The following ST6GALNAC6 variants were observed in gnomAD, a reference collection of about 807,000 sequenced individuals.
ST6GALNAC6 encodes alpha-N-acetylgalactosaminide alpha-2,6-sialyltransferase 6.
Under a neutral mutation model 34.3 loss-of-function variants are expected in ST6GALNAC6, and 19 were observed. The ratio of observed to expected loss-of-function variants is 0.55; its 90% CI spans 0.39 to 0.81. ST6GALNAC6 has a LOEUF of 0.81. Among genes scored for constraint, ST6GALNAC6 ranks in the 40% least tolerant of loss-of-function variants. ST6GALNAC6 has a pLI of 0.00. For synonymous variants in ST6GALNAC6, 185 were observed against 182.1 expected, an observed-to-expected ratio of 1.02 and a Z score of -0.13; for missense variants, 377 against 467.7, an observed-to-expected ratio of 0.81 and a Z score of 1.79.
upstream of ST6GALNAC6, chr9:127,905,584 C>T: frequency 3.2e-6 from 1 of 307,952 alleles, no homozygotes; most frequent in Non-Finnish European, 4.7e-6. Flanking sequence ...CAGGATGAGG[C>T]AGGGAGTAGG....
At chr9:127,905,494 G>A (rs1830894492), upstream of ST6GALNAC6, 31 of 955,446 alleles carry the variant, frequency 3.2e-5, no homozygotes, top group South Asian at 1.5e-3. Context: ...AGGGGATAGA[G>A]AAGGAAGAGG....
At chr9:127,888,537 A>G (rs926482117) in intron 5 of ST6GALNAC6, among the ~76,000 whole-genome samples, 11 of 150,450 alleles carry the variant, frequency 7.3e-5, no homozygotes, top group South Asian at 4.2e-4. Flanking sequence ...GGCCGGGCGC[A>G]GTGGCTCATG....
upstream of ST6GALNAC6, among the ~76,000 whole-genome samples, chr9:127,900,348 G>A (rs1001779702): frequency 6.6e-6 from 1 of 152,124 alleles, no homozygotes; most frequent in Admixed American, 6.5e-5. Context: ...ATCACCTGAG[G>A]TCAGGAGTTT....
chr9:127,889,420 C>A lies in ST6GALNAC6; in HGVS notation c.704+1217G>T, dbSNP rs182277150. Among the ~76,000 whole-genome samples the A allele has an allele frequency of 3.2e-3, 476 of 147,422 alleles. 3 individuals carry two copies. The highest frequency in any genetic ancestry group is 0.011 in the African/African-American group (459 of 40,086). On this transcript the variant is annotated intron_variant, in intron 5 of 6. Coordinates refer to ENST00000373146, the MANE Select transcript of ST6GALNAC6 (RefSeq NM_013443.5). ...GGTTACAGGATACAGGATCAACACA[C>A]AAAAATCAATTTCTCTTTTTTTTCT...
At position 127,887,464 on chromosome 9, in the gene ST6GALNAC6, C is replaced by T. The variant is rs201144609; in HGVS notation, c.812+20G>A. On this transcript the variant is annotated intron_variant, in intron 6 of 6. Transcript: ENST00000373146. ...GTGCCTGGGTGTTGTCCTGGGAGGG[C>T]GCTGGCAAGGAGGGCTCACCTGCAG... The T allele has an allele frequency of 1.4e-4, 223 of 1,596,372 alleles. No homozygotes were observed. The African/African-American group carries it at 2.7e-3, about 19-fold the overall frequency.
At chr9:127,887,959 C>T (rs1239958374) in intron 5 of ST6GALNAC6, among the ~76,000 whole-genome samples, 1 of 152,200 alleles carries the variant, frequency 6.6e-6, no homozygotes, top group African/African-American at 2.4e-5. Flanking sequence ...GGAGACTAAT[C>T]AGATAAGTTC....
intron 2 of ST6GALNAC6, chr9:127,897,095 G>A (rs1830507642): frequency 2.2e-6 from 2 of 904,532 alleles, no homozygotes; most frequent in Non-Finnish European, 2.6e-6. Context: ...GTGGCTGGGG[G>A]GGCCTTTGGA....
At chr9:127,893,711 G>C (rs571848624) in intron 4 of ST6GALNAC6, among the ~76,000 whole-genome samples, 7 of 152,250 alleles carry the variant, frequency 4.6e-5, no homozygotes, top group Admixed American at 3.9e-4. Context: ...CGCTTTCAAG[G>C]GTTCTTAGGG....
Position 127,886,589 on chromosome 9 carries a change from G to A in ST6GALNAC6, c.*10C>T. 6.2e-7 allele frequency: 1 copy of A among 1,613,656 alleles called. No individual in the cohort carries two copies. Among genetic ancestry groups the A allele is most frequent in the African/African-American group, 1.3e-5 (1 of 74,998 alleles). ...CTCTGACCCTCCTGAGGTCCCACAG[G>A]CTGGGTGGCCTAGGTCCAGGAGGGG... is the stretch of plus-strand genomic sequence containing the variant. On this transcript the variant is annotated 3_prime_UTR_variant, in exon 7 of 7. Coordinates refer to ENST00000373146, the MANE Select transcript of ST6GALNAC6 (RefSeq NM_013443.5).
intron 2 of ST6GALNAC6, chr9:127,897,321 C>T (rs1830526696): frequency 1.0e-6 from 1 of 985,800 alleles, no homozygotes; most frequent in African/African-American, 1.7e-5. Flanking sequence ...CAGCTCCGTC[C>T]CCTGCTCCAG....
At chr9:127,889,732 C>T (rs150302453) in intron 5 of ST6GALNAC6, among the ~76,000 whole-genome samples, 2,097 of 152,136 alleles carry the variant, frequency 0.014, 17 homozygotes, top group Middle Eastern at 0.027. Flanking sequence ...CATAAGCTAC[C>T]GCTCCCAGCC....
In ST6GALNAC6 at chr9:127,886,457, G is replaced by C. The variant is rs1044509977; in HGVS notation, c.*142C>G. 3 of 1,451,236 alleles carry C rather than the reference G, an allele frequency of 2.1e-6. No individual in the cohort carries two copies. Among genetic ancestry groups the C allele is most frequent in the Non-Finnish European group, 2.7e-6 (3 of 1,102,108 alleles). The allele number at this position is 1,451,236 out of a possible 1,614,324, so 89.9% of individuals were successfully genotyped here. ...AGATTCCCCAGGCCCTGATTGGCTG[G>C]AGGATACATCCTCCTCAAGGCCCTG... On this transcript the variant is annotated 3_prime_UTR_variant, in exon 7 of 7. Transcript: ENST00000373146.
Position 127,890,717 on chromosome 9 carries a change from G to A in ST6GALNAC6, c.624C>T (p.Pro208=), listed in dbSNP as rs769194989. 1.9e-6 allele frequency: 3 copies of A among 1,613,812 alleles called. No individual in the cohort carries two copies. The South Asian group carries it at 3.3e-5, about 18-fold the overall frequency. ...GAGAGACGGCATATGCTTCCATGTTGGGGAACACCAGGCCCGCTCGCTGGA... is the reference window on the plus strand; with the variant it reads ...GAGAGACGGCATATGCTTCCATGTTAGGGAACACCAGGCCCGCTCGCTGGA... ...RVIQRAGLVF[P]NMEAYAVSPG... is the part of the protein sequence containing the mutation. Residue 208 remains proline (P), a synonymous_variant, in exon 5 of 7, where the codon CCC becomes CCT. Transcript: ENST00000373146. This position sits in a 1 kb window ranked among gnomAD's most constrained non-coding sequence, Gnocchi z 4.3.
chr9:127,903,227 G>T (rs186658308), upstream of ST6GALNAC6: 2 of 151,598 alleles, frequency 1.3e-5, no homozygotes, highest in Non-Finnish European at 2.9e-5. Flanking sequence ...TCCATCTCCT[G>T]ACCTTGTGAT....
intron 2 of ST6GALNAC6, chr9:127,897,472 C>T: frequency 2.0e-6 from 2 of 981,042 alleles, no homozygotes; most frequent in Non-Finnish European, 2.4e-6. Flanking sequence ...TAGATCATGG[C>T]CCCGCCCCCT....
At position 127,894,624 on chromosome 9, in the gene ST6GALNAC6, T is replaced by C; in HGVS notation, c.185A>G (p.Asn62Ser). ...LITILILYSS[N>S]SANEVFHYGS... ...GTAATGGAAGACCTCATTGGCACTG[T>C]TGGAGCTGTAGAGGATGAGGATGGT... The change falls in exon 4 of 7, where the codon AAC becomes AGC. Residue 62 changes from asparagine (N) to serine (S), a missense_variant. Physicochemically the swap from Asn to Ser is conservative, Grantham distance 46 (BLOSUM62 1). Transcript: ENST00000373146. 6.2e-7 allele frequency: 1 copy of C among 1,614,162 alleles called. No individual in the cohort carries two copies. Among genetic ancestry groups the C allele is most frequent in the Non-Finnish European group, 8.5e-7 (1 of 1,180,022 alleles).
At chr9:127,897,670 C>T (rs1231388399) in intron 2 of ST6GALNAC6, among the ~76,000 whole-genome samples, 3 of 152,154 alleles carry the variant, frequency 2.0e-5, no homozygotes, top group Non-Finnish European at 1.5e-5. Flanking sequence ...CCTCACAGAC[C>T]GTTAGAGCAA....
At chr9:127,896,846 A>G (rs1378680591) in intron 2 of ST6GALNAC6, 1 of 984,914 alleles carries the variant, frequency 1.0e-6, no homozygotes, top group African/African-American at 1.7e-5. Context: ...CCATCCCCCC[A>G]GGCTAAGAGC....
At chr9:127,897,738 A>C (rs1830557727) in intron 2 of ST6GALNAC6, 1 of 1,180,224 alleles carries the variant, frequency 8.5e-7, no homozygotes, top group South Asian at 1.6e-5. Flanking sequence ...TTGGCATTCA[A>C]GGCGCCCAGG....
Sources: allele counts gnomAD v4.1 joint callset (sites outside exome capture counted in the v4.1 genomes callset), GRCh38; gene constraint gnomAD v4.1.1; non-coding constraint Gnocchi (gnomAD v3.1); transcripts MANE v1.5; gene names NCBI Gene and HGNC (gene_info 2026-07-23, HGNC 2026-07-21).